ADAM23: variants seen among roughly 807,000 people sequenced by gnomAD.
ADAM23 encodes the protein disintegrin and metalloproteinase domain-containing protein 23.
In ADAM23, 33 loss-of-function variants were observed where a neutral mutation model predicts 120.1. The ratio of observed to expected loss-of-function variants is 0.27; its 90% CI spans 0.21 to 0.37. The LOEUF (loss-of-function observed/expected upper bound fraction) is 0.37, where lower values mean the gene tolerates loss of function less well. ADAM23 is among the 10% of genes least tolerant of loss of function. The pLI is 1.00. For synonymous variants in ADAM23, 367 were observed against 375.2 expected (o/e 0.98, Z 0.25); for missense variants, 862 against 1,058.2 (o/e 0.81, Z 2.57).
chr2:206,572,448 A>G (rs1048992485), intron 17 of ADAM23, among the ~76,000 whole-genome samples: 5 of 152,198 alleles, frequency 3.3e-5, no homozygotes, highest in African/African-American at 1.2e-4. Flanking sequence ...ATAGAATTAC[A>G]TAATTTTATG....
chr2:206,481,351 A>G, intron 3 of ADAM23, 43 bp downstream of exon 3: 1 of 1,450,396 alleles, frequency 6.9e-7, no homozygotes, highest in Admixed American at 2.2e-5. Context: ...AGGTGCAATA[A>G]AGCTTTGTTT....
chr2:206,473,780 G>A (rs781697882), intron 2 of ADAM23, among the ~76,000 whole-genome samples: 5 of 151,654 alleles, frequency 3.3e-5, no homozygotes, highest in Admixed American at 6.6e-5. Flanking sequence ...AGATCAAGGC[G>A]GGTGAATTGT....
intron 3 of ADAM23, 31 bp downstream of exon 3, chr2:206,481,339 G>A: frequency 1.3e-6 from 2 of 1,504,334 alleles, no homozygotes; most frequent in Non-Finnish European, 1.8e-6. Flanking sequence ...TTCTTAAGAA[G>A]CAGGTGCAAT....
At chr2:206,476,564 A>G (rs1325940157) in intron 2 of ADAM23, among the ~76,000 whole-genome samples, 1 of 152,152 alleles carries the variant, frequency 6.6e-6, no homozygotes, top group Non-Finnish European at 1.5e-5. Flanking sequence ...CATACTCCTT[A>G]TGAGAATCTA....
chr2:206,529,492 G>A (rs1049695978), intron 3 of ADAM23, among the ~76,000 whole-genome samples: 3 of 152,024 alleles, frequency 2.0e-5, no homozygotes, highest in Admixed American at 1.3e-4. Flanking sequence ...TCGATCTTCT[G>A]GGCTCAAGCA....
chr2:206,462,700 G>A (rs1695450970), intron 2 of ADAM23, among the ~76,000 whole-genome samples: 1 of 152,040 alleles, frequency 6.6e-6, no homozygotes, highest in Non-Finnish European at 1.5e-5. Context: ...CTCCTGCTTG[G>A]CATACAAAGC....
chr2:206,530,440 T>A (rs1036544644), intron 3 of ADAM23, among the ~76,000 whole-genome samples: 1 of 152,172 alleles, frequency 6.6e-6, no homozygotes, highest in Non-Finnish European at 1.5e-5. Flanking sequence ...GGAATTTTTA[T>A]AGGATCTGTC....
chr2:206,592,413 G>A (rs1206072412), intron 21 of ADAM23, among the ~76,000 whole-genome samples: 5 of 152,176 alleles, frequency 3.3e-5, no homozygotes, highest in Non-Finnish European at 5.9e-5. Flanking sequence ...TCAGGGCTGG[G>A]CACTTTGCTG....
chr2:206,552,852 G>T (rs1442755331), intron 9 of ADAM23, among the ~76,000 whole-genome samples: 1 of 149,648 alleles, frequency 6.7e-6, no homozygotes, highest in Non-Finnish European at 1.5e-5. Context: ...TTTTTTTGTA[G>T]AAACTGGGTT....
At chr2:206,516,697 G>C (rs1264563822) in intron 3 of ADAM23, among the ~76,000 whole-genome samples, 1 of 152,030 alleles carries the variant, frequency 6.6e-6, no homozygotes, top group African/African-American at 2.4e-5. Flanking sequence ...CACATTGGGG[G>C]TTAGGGCCTC....
chr2:206,545,493 A>T (rs116441319), intron 6 of ADAM23, among the ~76,000 whole-genome samples: 4,089 of 152,260 alleles, frequency 0.027, 74 homozygotes, highest in Middle Eastern at 0.048. Context: ...CTCAATAAAT[A>T]AATTAATTAA....
At chr2:206,497,500 T>G (rs1156618999) in intron 3 of ADAM23, among the ~76,000 whole-genome samples, 8 of 152,092 alleles carry the variant, frequency 5.3e-5, no homozygotes, top group African/African-American at 1.9e-4. Context: ...ATGGGACATA[T>G]CTCAAAATAA....
At chr2:206,573,292 T>A (rs1006906669) in intron 18 of ADAM23, 97 bp downstream of exon 18, 6 of 1,251,274 alleles carry the variant, frequency 4.8e-6, no homozygotes, top group Admixed American at 1.8e-5. Flanking sequence ...AGATTTAAGA[T>A]TTTTTGGATT....
chr2:206,547,411 A>T lies in ADAM23; in HGVS notation c.721-18A>T, dbSNP rs1003037860. ...TCACATCTTGCTTTCTAAATTGCCT[A>T]CAATTGTTTTGTTTCAGAAAAGCAC... On this transcript the variant is annotated intron_variant, in intron 6 of 25. Transcript: ENST00000264377. The T allele has an allele frequency of 1.9e-6, 3 of 1,604,116 alleles. No individual in the cohort carries two copies. Among genetic ancestry groups the T allele is most frequent in the Admixed American group, 3.4e-5 (2 of 59,252 alleles).
intron 4 of ADAM23, among the ~76,000 whole-genome samples, chr2:206,541,321 A>G (rs1024434752): frequency 6.6e-6 from 1 of 152,204 alleles, no homozygotes; most frequent in Non-Finnish European, 1.5e-5. Flanking sequence ...CACATAAACA[A>G]TGAATATAGA....
chr2:206,617,633 C>A lies in ADAM23; in HGVS notation c.*6C>A. On this transcript the variant is annotated 3_prime_UTR_variant, in exon 26 of 26. Coordinates refer to ENST00000264377, the MANE Select transcript of ADAM23 (RefSeq NM_003812.4). ...CTCAGCAAGGCCCCATCTGAATCAG[C>A]TGCGCTGGATGGACACCGCCTTGCA... is the stretch of plus-strand genomic sequence containing the variant. 1.9e-6 allele frequency: 3 copies of A among 1,613,510 alleles called. No individual in the cohort carries two copies. Among genetic ancestry groups the A allele is most frequent in the Non-Finnish European group, 2.5e-6 (3 of 1,179,688 alleles).
chr2:206,553,454 T>A (rs1697575721), intron 9 of ADAM23, among the ~76,000 whole-genome samples: 2 of 152,100 alleles, frequency 1.3e-5, no homozygotes, highest in Non-Finnish European at 2.9e-5. Flanking sequence ...GGAAAGCTTT[T>A]ATTTTTGAGT....
chr2:206,604,659 C>T (rs945738706), intron 24 of ADAM23, among the ~76,000 whole-genome samples: 3 of 152,108 alleles, frequency 2.0e-5, no homozygotes, highest in African/African-American at 7.2e-5. Flanking sequence ...AAGCAGTATA[C>T]AGTTAATTAA....
intron 2 of ADAM23, among the ~76,000 whole-genome samples, chr2:206,455,359 A>G (rs551767283): frequency 5.9e-5 from 9 of 152,308 alleles, no homozygotes; most frequent in South Asian, 4.1e-4. Context: ...GCACAGAGCA[A>G]TGGGGCCCAG....
Sources: gnomAD v4.1 joint callset for allele counts (sites outside exome capture counted in the v4.1 genomes callset) on GRCh38, gnomAD v4.1.1 for gene constraint, MANE v1.5 for transcripts, NCBI Gene and HGNC (gene_info 2026-07-23, HGNC 2026-07-21) for gene names.